ZBED3: variants seen among roughly 807,000 people sequenced by gnomAD.
ZBED3 encodes the protein zinc finger BED domain-containing protein 3.
For synonymous variants in ZBED3, 175 were observed against 180.0 expected, an observed-to-expected ratio of 0.97 and a Z score of 0.22; for missense variants, 388 against 362.9, an observed-to-expected ratio of 1.07 and a Z score of -0.56.
chr5:77,085,235 A>C (rs530108349), intron 1 of ZBED3, among the ~76,000 whole-genome samples: 1 of 152,354 alleles, frequency 6.6e-6, no homozygotes, highest in South Asian at 2.1e-4. Context: ...ATAAAGAATA[A>C]AGGAAGAGAT....
Position 77,075,818 on chromosome 5 carries a change from T to G in ZBED3, c.*1356A>C, listed in dbSNP as rs1742963956. On this transcript the variant is annotated 3_prime_UTR_variant, in exon 3 of 3. Coordinates refer to ENST00000255198, the MANE Select transcript of ZBED3 (RefSeq NM_032367.4). ...CAAGAGAGCAATTTCAAGGGAGAGA[T>G]TAAGCAAAATGAAGGCTGCAAATAG... is the stretch of plus-strand genomic sequence containing the variant. The G allele has an allele frequency of 6.7e-6, 1 of 150,308 alleles. No individual in the cohort carries two copies. Among genetic ancestry groups the G allele is most frequent in the African/African-American group, 2.4e-5 (1 of 40,844 alleles). The allele number at this position is 150,308 out of a possible 1,614,324, so 9.3% of individuals were successfully genotyped here.
chr5:77,077,341 G>C lies in ZBED3; in HGVS notation c.538C>G (p.Gln180Glu). The change falls in exon 3 of 3, where the codon CAG becomes GAG. Residue 180 changes from glutamine to glutamate, a missense_variant. Physicochemically the swap from Gln to Glu is conservative, Grantham distance 29. Coordinates refer to ENST00000255198, the MANE Select transcript of ZBED3 (RefSeq NM_032367.4). Reference protein sequence around the residue: ...ALQEEERAAAQARRELQAERE... With the variant: ...ALQEEERAAAEARRELQAERE... ...TCGGCCTGCAGTTCCCGGCGCGCCT[G>C]GGCCGCGGCGCGCTCTTCCTCCTGC... 3 of 1,257,308 alleles carry C rather than the reference G, an allele frequency of 2.4e-6. No individual in the cohort carries two copies. Among genetic ancestry groups the C allele is most frequent in the Non-Finnish European group, 3.0e-6 (3 of 1,006,774 alleles). The allele number at this position is 1,257,308 out of a possible 1,614,324, so 77.9% of individuals were successfully genotyped here.
chr5:77,085,364 T>C (rs1743216635), intron 1 of ZBED3, among the ~76,000 whole-genome samples: 1 of 152,224 alleles, frequency 6.6e-6, no homozygotes, highest in Non-Finnish European at 1.5e-5. Flanking sequence ...ATACTTATGC[T>C]TGTGCACATA....
At position 77,076,487 on chromosome 5, in the gene ZBED3, C is replaced by G. The variant is rs977309291; in HGVS notation, c.*687G>C. Reference sequence around the variant, plus strand: ...ATATGTGCCACACTTGTCATTAGGTCTGAAGCAAGGGAAGGATGGCCGAGG... The same window carrying G: ...ATATGTGCCACACTTGTCATTAGGTGTGAAGCAAGGGAAGGATGGCCGAGG... On this transcript the variant is annotated 3_prime_UTR_variant, in exon 3 of 3. Transcript: ENST00000255198. 1.3e-5 allele frequency: 2 copies of G among 152,032 alleles called. No homozygotes were observed. The highest frequency in any genetic ancestry group is 2.1e-4 in the South Asian group (1 of 4,808). 9.4% of individuals were successfully genotyped at this position (152,032 alleles called of 1,614,324 possible).
intron 1 of ZBED3, chr5:77,080,524 G>A (rs750023605): frequency 5.2e-5 from 27 of 518,974 alleles, no homozygotes; most frequent in Admixed American, 2.7e-4. Flanking sequence ...GGTCTTAACC[G>A]GTGGAAGGCA....
At chr5:77,084,127 G>A (rs1211823881) in intron 1 of ZBED3, among the ~76,000 whole-genome samples, 1 of 152,174 alleles carries the variant, frequency 6.6e-6, no homozygotes. Context: ...CGTGCTTTCT[G>A]CCAAGCATTC....
rs1743021274 is a variant in ZBED3 at position 77,077,095 on chromosome 5, G to T, written c.*79C>A. On this transcript the variant is annotated 3_prime_UTR_variant, in exon 3 of 3. Transcript: ENST00000255198. ...GGCTGCGGGCCTGGCTTCGGTTACG[G>T]CTTCGGTCCCAGCGGGGTCTGAAGG... 4 of 1,131,320 alleles carry T rather than the reference G, an allele frequency of 3.5e-6. No individual in the cohort carries two copies. The East Asian group carries it at 9.8e-5, about 28-fold the overall frequency. 70.1% of individuals were successfully genotyped at this position (1,131,320 alleles called of 1,614,324 possible).
At chr5:77,080,657 C>T in intron 1 of ZBED3, 1 of 509,758 alleles carries the variant, frequency 2.0e-6, no homozygotes, top group South Asian at 1.4e-5. Context: ...CAGGCCGTAA[C>T]AGCCTGGTTA....
chr5:77,077,207 C>A lies in ZBED3; in HGVS notation c.672G>T (p.Arg224Ser). ...GGACCTTTGTGATGACGCAGCCGTC[C>A]CTGTCACCCTCGGGGTCGTCCTTGA... The part of the protein sequence containing the change: ...PPLKDDPEGD[R>S]DGCVITKVLL Residue 224 changes from arginine to serine, a missense_variant, in exon 3 of 3, where the codon AGG becomes AGT. Transcript: ENST00000255198. 1 of 1,503,452 alleles carries A rather than the reference C, an allele frequency of 6.7e-7. No individual in the cohort carries two copies. The highest frequency in any genetic ancestry group is 8.8e-7 in the Non-Finnish European group (1 of 1,132,366). The allele number at this position is 1,503,452 out of a possible 1,614,324, so 93.1% of individuals were successfully genotyped here. A position where few individuals can be genotyped will look rare whatever the true frequency, so the allele number is the denominator to read the frequency against.
chr5:77,084,108 G>A (rs963648601), intron 1 of ZBED3, among the ~76,000 whole-genome samples: 1 of 152,154 alleles, frequency 6.6e-6, no homozygotes, highest in African/African-American at 2.4e-5. Context: ...CACCTGCTAA[G>A]GTCAGGTGCG....
In ZBED3 at chr5:77,075,151, G is replaced by A. The variant is rs1427218921; in HGVS notation, c.*2023C>T. 1 of 152,212 alleles carries A rather than the reference G, an allele frequency of 6.6e-6. No homozygotes were observed. Among genetic ancestry groups the A allele is most frequent in the South Asian group, 2.1e-4 (1 of 4,824 alleles). The allele number at this position is 152,212 out of a possible 1,614,324, so 9.4% of individuals were successfully genotyped here. A position where few individuals can be genotyped will look rare whatever the true frequency, so the allele number is the denominator to read the frequency against. ...GATATTCAGGAGTCCCTGGCCCAGA[G>A]GAGATTACAACTCTGCAGGGATATG... is the stretch of plus-strand genomic sequence containing the variant. On this transcript the variant is annotated 3_prime_UTR_variant, in exon 3 of 3. Coordinates refer to ENST00000255198, the MANE Select transcript of ZBED3 (RefSeq NM_032367.4).
rs70988654 is a variant in ZBED3 at position 77,076,706 on chromosome 5, T to TGGGG, written c.*467_*468insCCCC. On this transcript the variant is annotated 3_prime_UTR_variant, in exon 3 of 3. Transcript: ENST00000255198. ...TTAGGAACTCTTTTTTTTTTTTTTT[T>TGGGG]GGGTAAAAAGCTTTCTCATTTCCAC... 6 of 141,532 alleles carry TGGGG rather than the reference T, an allele frequency of 4.2e-5. No individual in the cohort carries two copies. Among genetic ancestry groups the TGGGG allele is most frequent in the African/African-American group, 1.5e-4 (6 of 39,580 alleles). 8.8% of individuals were successfully genotyped at this position (141,532 alleles called of 1,614,324 possible).
intron 1 of ZBED3, among the ~76,000 whole-genome samples, chr5:77,081,138 G>T (rs1284981324): frequency 1.3e-5 from 2 of 151,986 alleles, no homozygotes; most frequent in African/African-American, 2.4e-5. Flanking sequence ...TTTATGAAAA[G>T]GTGCACAACA....
Position 77,075,525 on chromosome 5 carries a change from T to C in ZBED3, c.*1649A>G, listed in dbSNP as rs1742958109. The C allele has an allele frequency of 6.6e-6, 1 of 152,132 alleles. No individual in the cohort carries two copies. Among genetic ancestry groups the C allele is most frequent in the Admixed American group, 6.5e-5 (1 of 15,276 alleles). The allele number at this position is 152,132 out of a possible 1,614,324, so 9.4% of individuals were successfully genotyped here. ...GGTGTCTTTGTGCTCAGGAAATCTATGTGGTAATACTCAGGGGTCGAAATG... is the reference window on the plus strand; with the variant it reads ...GGTGTCTTTGTGCTCAGGAAATCTACGTGGTAATACTCAGGGGTCGAAATG... On this transcript the variant is annotated 3_prime_UTR_variant, in exon 3 of 3. Transcript: ENST00000255198.
At chr5:77,085,194 AT>A (rs1484394454) in intron 1 of ZBED3, among the ~76,000 whole-genome samples, 1 of 152,244 alleles carries the variant, frequency 6.6e-6, no homozygotes, top group Non-Finnish European at 1.5e-5. Flanking sequence ...TAAATCCCAG[AT>A]TCCTCAGTAT....
chr5:77,077,376 C>A lies in ZBED3; in HGVS notation c.503G>T (p.Arg168Leu). The A allele has an allele frequency of 8.0e-7, 1 of 1,254,106 alleles. No individual in the cohort carries two copies. Among genetic ancestry groups the A allele is most frequent in the Admixed American group, 3.9e-5 (1 of 25,428 alleles). The allele number at this position is 1,254,106 out of a possible 1,614,324, so 77.7% of individuals were successfully genotyped here. ...EQGERALERR[R>L]RALQEEERAA... ...GCGCTCTTCCTCCTGCAGCGCCCTC[C>A]GCCTCCGCTCCAGGGCGCGCTCGCC... Residue 168 changes from arginine (R) to leucine (L), a missense_variant, in exon 3 of 3, where the codon CGG becomes CTG. Coordinates refer to ENST00000255198, the MANE Select transcript of ZBED3 (RefSeq NM_032367.4).
In ZBED3 at chr5:77,074,343, G is replaced by T. The variant is rs1460555307; in HGVS notation, c.*2831C>A. Reference sequence around the variant, plus strand: ...TGACTCAGGTAAGGGACAGTTGGGGGAGACAAGGATGGGAAGATGCATGAT... The same window carrying T: ...TGACTCAGGTAAGGGACAGTTGGGGTAGACAAGGATGGGAAGATGCATGAT... On this transcript the variant is annotated 3_prime_UTR_variant, in exon 3 of 3. Transcript: ENST00000255198. 1 of 152,374 alleles carries T rather than the reference G, an allele frequency of 6.6e-6. No homozygotes were observed. Among genetic ancestry groups the T allele is most frequent in the African/African-American group, 2.4e-5 (1 of 41,454 alleles). The allele number at this position is 152,374 out of a possible 1,614,324, so 9.4% of individuals were successfully genotyped here. A position where few individuals can be genotyped will look rare whatever the true frequency, so the allele number is the denominator to read the frequency against.
chr5:77,084,970 C>T (rs1435478851), intron 1 of ZBED3, among the ~76,000 whole-genome samples: 3 of 152,136 alleles, frequency 2.0e-5, no homozygotes, highest in Non-Finnish European at 4.4e-5. Flanking sequence ...ACTGAAAAGA[C>T]AAATGTAGAT....
At chr5:77,080,742 G>C (rs1743111889) in intron 1 of ZBED3, among the ~76,000 whole-genome samples, 1 of 152,214 alleles carries the variant, frequency 6.6e-6, no homozygotes, top group African/African-American at 2.4e-5. Context: ...TGAGCAATGA[G>C]AACACGTGGA....
Sources: gnomAD v4.1 joint callset for allele counts (sites outside exome capture counted in the v4.1 genomes callset) on GRCh38, gnomAD v4.1.1 for gene constraint, MANE v1.5 for transcripts, NCBI Gene and HGNC (gene_info 2026-07-23, HGNC 2026-07-21) for gene names.